Variants in NLRP9 observed in about 807,000 individuals in gnomAD.
NLRP9 encodes NLR family pyrin domain containing 9, also known as NACHT, LRR and PYD domains-containing protein 9.
NLRP9 carries 88 observed loss-of-function variants against 83.1 expected under a neutral mutation model. The ratio of observed to expected loss-of-function variants is 1.06; its 90% CI spans 0.89 to 1.26. The LOEUF (loss-of-function observed/expected upper bound fraction) is 1.26. NLRP9 is among the 50% of genes most tolerant of loss of function. The pLI is 0.00. For missense variants in NLRP9, 1,308 were observed against 1,179.3 expected (o/e 1.11, Z -1.60); for synonymous variants, 521 against 447.6 (o/e 1.16, Z -2.07).
At chr19:55,731,264 G>A (rs919900619) in intron 2 of NLRP9, among the ~76,000 whole-genome samples, 10 of 151,580 alleles carry the variant, frequency 6.6e-5, no homozygotes, top group African/African-American at 2.4e-4. Context: ...AACAAGGCAC[G>A]AACTTCCAGG....
intron 6 of NLRP9, among the ~76,000 whole-genome samples, chr19:55,713,138 T>C (rs1186188468): frequency 1.3e-5 from 2 of 151,028 alleles, no homozygotes; most frequent in East Asian, 4.0e-4. Context: ...CCTGCCCCAA[T>C]TATCAGCATA....
intron 8 of NLRP9, 23 bp downstream of exon 8, chr19:55,711,777 C>G (rs1568591255): frequency 1.2e-6 from 2 of 1,609,826 alleles, no homozygotes; most frequent in Non-Finnish European, 1.7e-6. Flanking sequence ...TCACTCACCC[C>G]AAAGGAAACA....
At chr19:55,711,712 G>T in intron 8 of NLRP9, 88 bp downstream of exon 8, 1 of 1,305,416 alleles carries the variant, frequency 7.7e-7, no homozygotes, top group Non-Finnish European at 1.1e-6. Context: ...CTCCAGCCTG[G>T]CATCCATCAT....
chr19:55,729,108 C>T (rs1453833846), intron 3 of NLRP9, among the ~76,000 whole-genome samples: 3 of 133,496 alleles, frequency 2.2e-5, no homozygotes, highest in African/African-American at 8.7e-5. Context: ...CTGTCCTCAG[C>T]ACTCTTCCTT....
At chr19:55,728,211 G>A (rs758894937) in intron 3 of NLRP9, among the ~76,000 whole-genome samples, 8 of 152,244 alleles carry the variant, frequency 5.3e-5, no homozygotes, top group Non-Finnish European at 8.8e-5. Context: ...CCACAGTGCC[G>A]GTAGAATTTA....
intron 6 of NLRP9, among the ~76,000 whole-genome samples, chr19:55,713,606 CCTCCCCTCTCCCTCTTA>C (rs1389792041): frequency 4.8e-5 from 4 of 83,474 alleles, no homozygotes; most frequent in Non-Finnish European, 7.6e-5. Context: ...TCCTCTCCCT[CCTCCCCTCTCCCTCTTA>C]CTCCCCTCCT....
chr19:55,710,555 C>A (rs981297254), intron 8 of NLRP9, among the ~76,000 whole-genome samples: 1 of 152,120 alleles, frequency 6.6e-6, no homozygotes, highest in Non-Finnish European at 1.5e-5. Flanking sequence ...AATGGTTGAG[C>A]ACCATCCCTT....
chr19:55,708,840 G>C lies in NLRP9; in HGVS notation c.*72C>G. The C allele has an allele frequency of 4.7e-6, 5 of 1,060,410 alleles. No individual in the cohort carries two copies. The highest frequency in any genetic ancestry group is 5.3e-6 in the Non-Finnish European group (4 of 748,044). 65.7% of individuals were successfully genotyped at this position (1,060,410 alleles called of 1,614,324 possible). A position where few individuals can be genotyped will look rare whatever the true frequency, so the allele number is the denominator to read the frequency against. On this transcript the variant is annotated 3_prime_UTR_variant, in exon 9 of 9. Coordinates refer to ENST00000332836, the MANE Select transcript of NLRP9 (RefSeq NM_176820.4). ...TGCCATGATGTGCAATTACAGGATA[G>C]AGGTGCCAGGTGAAGGTCCCACTGT... is the stretch of plus-strand genomic sequence containing the variant.
chr19:55,722,982 A>C (rs373892647), intron 4 of NLRP9, among the ~76,000 whole-genome samples: 10 of 151,918 alleles, frequency 6.6e-5, no homozygotes, highest in African/African-American at 2.4e-4. Flanking sequence ...AACAACACAC[A>C]CTGGGGCCTG....
intron 1 of NLRP9, among the ~76,000 whole-genome samples, chr19:55,733,919 A>ATTTTTTTTTTTTTTTTTTTTCTTTTTT (rs1988690421): frequency 8.5e-6 from 1 of 117,872 alleles, no homozygotes; most frequent in African/African-American, 3.6e-5. Flanking sequence ...TGTCAACCAA[A>ATTTTTTTTTTTTTTTTTTTTCTTTTTT]TTTTTTTTTT....
At chr19:55,737,702 C>T (rs571872695) in intron 1 of NLRP9, 1 of 157,618 alleles carries the variant, frequency 6.3e-6, no homozygotes, top group African/African-American at 2.8e-5. Flanking sequence ...GAGTTCAAGA[C>T]CAGCCTGAGC....
rs114738169 is a variant in NLRP9 at position 55,715,047 on chromosome 19, G to A, written c.2501+8C>T. ...CCTGACATTGAAGCAAATCATGGCC[G>A]GTCCTACCACAGCTCCCGTATGCTG... On this transcript the variant is annotated splice_region_variant and intron_variant, in intron 6 of 8. Transcript: ENST00000332836. The A allele has an allele frequency of 1.8e-4, 280 of 1,594,834 alleles. No homozygotes were observed. In the African/African-American group the frequency reaches 2.6e-3, roughly 15 times the overall value.
In NLRP9 at chr19:55,732,768, C is replaced by T; in HGVS notation, c.1063G>A (p.Glu355Lys). 1 of 1,614,168 alleles carries T rather than the reference C, an allele frequency of 6.2e-7. No homozygotes were observed. The highest frequency in any genetic ancestry group is 8.5e-7 in the Non-Finnish European group (1 of 1,180,036). ...TTTTGGGAGTTTATTTCAAGGTCTT[C>T]TCCCCTCTCTAGCCTCTGTTTCACA... ...TCVKQRLERG[E>K]DLEINSQNTT... The change falls in exon 2 of 9, where the codon GAA (glutamate) becomes AAA (lysine). Residue 355 changes from glutamate (E) to lysine (K), a missense_variant. By Grantham distance (56) the Glu-to-Lys change is moderately conservative. Coordinates refer to ENST00000332836, the MANE Select transcript of NLRP9 (RefSeq NM_176820.4).
At chr19:55,715,279 C>T in intron 5 of NLRP9, 54 bp from the exon 6 acceptor site, 2 of 1,455,604 alleles carry the variant, frequency 1.4e-6, no homozygotes, top group East Asian at 2.3e-5. Flanking sequence ...CATCATTCTG[C>T]AGAGAAACAC....
intron 3 of NLRP9, among the ~76,000 whole-genome samples, chr19:55,727,155 G>T (rs1020283436): frequency 6.6e-6 from 1 of 152,210 alleles, no homozygotes; most frequent in Non-Finnish European, 1.5e-5. Context: ...GGGAGGCTGA[G>T]GCAGGAGCAT....
intron 7 of NLRP9, 80 bp from the exon 8 acceptor site, chr19:55,712,050 C>G: frequency 7.2e-7 from 1 of 1,396,172 alleles, no homozygotes; most frequent in South Asian, 1.3e-5. Flanking sequence ...TTGCTAATTA[C>G]ACACCTCCCG....
chr19:55,711,116 AAAC>A (rs1209292834), intron 8 of NLRP9, among the ~76,000 whole-genome samples: 1 of 151,688 alleles, frequency 6.6e-6, no homozygotes, highest in Non-Finnish European at 1.5e-5. Flanking sequence ...AACAAAAAAA[AAAC>A]CTTAAACAAC....
chr19:55,722,299 T>A (rs1988252344), intron 4 of NLRP9, among the ~76,000 whole-genome samples: 1 of 152,196 alleles, frequency 6.6e-6, no homozygotes, highest in South Asian at 2.1e-4. Flanking sequence ...AACATAATTA[T>A]GAAATGGAGC....
chr19:55,723,014 G>A (rs1275978866), intron 4 of NLRP9, among the ~76,000 whole-genome samples: 1 of 152,070 alleles, frequency 6.6e-6, no homozygotes, highest in Non-Finnish European at 1.5e-5. Flanking sequence ...GGAGCTGGGG[G>A]AGGGAAAGCA....
Sources: allele counts gnomAD v4.1 joint callset (sites outside exome capture counted in the v4.1 genomes callset), GRCh38; gene constraint gnomAD v4.1.1; transcripts MANE v1.5; gene names NCBI Gene and HGNC (gene_info 2026-07-23, HGNC 2026-07-21).